Variants in VAV2 observed in about 807,000 individuals in gnomAD.
The protein encoded by VAV2 is vav guanine nucleotide exchange factor 2.
A neutral mutation model predicts 132.5 loss-of-function variants in VAV2; 67 were observed. The observed-to-expected ratio is 0.51, with a 90% CI of 0.42 to 0.62. VAV2 has a LOEUF of 0.62. Among genes scored for constraint, VAV2 ranks in the 20% least tolerant of loss-of-function variants. The pLI is 0.00. For synonymous variants in VAV2, 492 were observed against 443.5 expected (o/e 1.11, Z -1.37); for missense variants, 938 against 1,153.6 (o/e 0.81, Z 2.71).
intron 9 of VAV2, among the ~76,000 whole-genome samples, chr9:133,798,376 C>T (rs1460440686): frequency 6.6e-6 from 1 of 152,206 alleles, no homozygotes; most frequent in African/African-American, 2.4e-5. Context: ...CCAGGTGGCC[C>T]CCGGACCTGG....
At chr9:133,980,625 G>T (rs1842663223) in intron 1 of VAV2, among the ~76,000 whole-genome samples, 1 of 152,170 alleles carries the variant, frequency 6.6e-6, no homozygotes. Flanking sequence ...ATCATCTGCT[G>T]CAGGGAAACA....
intron 4 of VAV2, among the ~76,000 whole-genome samples, chr9:133,816,824 T>C (rs773359451): frequency 2.0e-5 from 3 of 152,276 alleles, no homozygotes; most frequent in Middle Eastern, 3.2e-3. Flanking sequence ...GAGTCTATTT[T>C]GGAATAACTA....
rs764467885 is a variant in VAV2 at position 133,768,562 on chromosome 9, G to A, written c.2469C>T (p.Ala823=). ...TATCTCGGGCGGCAAAGTTATACCTGGCCACAGCTGTGCCGATGACGCGGG... is the reference window on the plus strand; with the variant it reads ...TATCTCGGGCGGCAAAGTTATACCTAGCCACAGCTGTGCCGATGACGCGGG... The part of the protein sequence containing the change: ...FTPRVIGTAV[A]RYNFAARDMR... The change falls in exon 29 of 30, where the codon GCC becomes GCT. Residue 823 remains alanine, a synonymous_variant. Transcript: ENST00000371850. The surrounding 1 kb of genome is among the most constrained non-coding windows in gnomAD (Gnocchi z 5.3). 9.9e-6 allele frequency: 16 copies of A among 1,613,896 alleles called. No homozygotes were observed. In the African/African-American group the frequency reaches 1.9e-4, roughly 19 times the overall value.
chr9:133,847,883 C>A (rs1453381997), intron 3 of VAV2, among the ~76,000 whole-genome samples: 2 of 152,120 alleles, frequency 1.3e-5, no homozygotes, highest in African/African-American at 4.8e-5. Context: ...ACAGATGGGA[C>A]ACAGAGTGGC....
chr9:133,767,319 C>T (rs1273126783), intron 29 of VAV2, among the ~76,000 whole-genome samples: 1 of 152,032 alleles, frequency 6.6e-6, no homozygotes, highest in Non-Finnish European at 1.5e-5. Flanking sequence ...AAGCTGGTGT[C>T]ACAAAAGCAG....
intron 3 of VAV2, among the ~76,000 whole-genome samples, chr9:133,848,702 TG>T (rs1196606041): frequency 6.6e-6 from 1 of 152,194 alleles, no homozygotes; most frequent in Non-Finnish European, 1.5e-5. Context: ...CGGGCATCTT[TG>T]GGGAAAGAAA....
chr9:133,908,060 C>T lies in VAV2; in HGVS notation c.321+31043G>A, dbSNP rs534528661. 1.0e-3 allele frequency among the ~76,000 whole-genome samples: 148 copies of T among 144,640 alleles called. 3 individuals carry two copies. Among genetic ancestry groups the T allele is most frequent in the African/African-American group, 3.7e-3 (143 of 38,716 alleles). The allele number at this position is 144,640 out of a possible 152,430, so 94.9% of individuals were successfully genotyped here. On this transcript the variant is annotated intron_variant, in intron 2 of 29. Transcript: ENST00000371850. ...AAGGCGCCCCTCCCACCCCACGCCC[C>T]CTACCTTCTCTGCCTTCCCCCAGAG... is the stretch of plus-strand genomic sequence containing the variant.
Position 133,826,513 on chromosome 9 carries a change from C to T in VAV2, c.449+7759G>A, listed in dbSNP as rs1014553326. ...CCACCGGAGTGGCGGGGTGCCTTCC[C>T]ACAGCAGCCTGTGAGGTTGCAGGAC... On this transcript the variant is annotated intron_variant, in intron 4 of 29. Transcript: ENST00000371850. The surrounding 1 kb of genome is among the most constrained non-coding windows in gnomAD (Gnocchi z 4.2). Among the ~76,000 whole-genome samples, 1 of 152,172 alleles carries T rather than the reference C, an allele frequency of 6.6e-6. No homozygotes were observed. Among genetic ancestry groups the T allele is most frequent in the Admixed American group, 6.5e-5 (1 of 15,288 alleles).
intron 1 of VAV2, among the ~76,000 whole-genome samples, chr9:133,976,272 C>T (rs1842506922): frequency 6.6e-6 from 1 of 152,168 alleles, no homozygotes; most frequent in South Asian, 2.1e-4. Context: ...CTTTCTGCAG[C>T]AGCTAGGTTA....
At chr9:133,864,881 T>C (rs1299570143) in intron 2 of VAV2, among the ~76,000 whole-genome samples, 1 of 152,212 alleles carries the variant, frequency 6.6e-6, no homozygotes, top group Non-Finnish European at 1.5e-5. Flanking sequence ...GGAAAGGGCA[T>C]GCGGTCTGTG....
At chr9:133,979,733 C>A (rs75529694) in intron 1 of VAV2, among the ~76,000 whole-genome samples, 1 of 152,202 alleles carries the variant, frequency 6.6e-6, no homozygotes, top group Non-Finnish European at 1.5e-5. Context: ...GCCAGGGCCC[C>A]GAGCTCCCCA....
intron 3 of VAV2, among the ~76,000 whole-genome samples, chr9:133,845,878 C>A (rs1295921414): frequency 6.6e-6 from 1 of 152,188 alleles, no homozygotes; most frequent in Non-Finnish European, 1.5e-5. Flanking sequence ...ATTGTGGCAT[C>A]AATTGACCGA....
rs112586996 is a variant in VAV2 at position 133,813,094 on chromosome 9, C to A, written c.450-878G>T. On this transcript the variant is annotated intron_variant, in intron 4 of 29. Transcript: ENST00000371850. ...TGAATCAGCAACTGAGCCAATCCAA[C>A]CACCCCCTGTTCCCACAGGCCCCGT... 7.9e-5 allele frequency among the ~76,000 whole-genome samples: 12 copies of A among 152,370 alleles called. No homozygotes were observed. In the South Asian group the frequency reaches 2.3e-3, roughly 29 times the overall value.
chr9:133,960,032 G>A (rs977353971), intron 1 of VAV2, among the ~76,000 whole-genome samples: 1 of 152,208 alleles, frequency 6.6e-6, no homozygotes, highest in African/African-American at 2.4e-5. Flanking sequence ...CCGGGAACAC[G>A]GGTGCCCCCA....
chr9:133,967,534 T>C (rs779264164), intron 1 of VAV2, among the ~76,000 whole-genome samples: 2 of 152,166 alleles, frequency 1.3e-5, no homozygotes, highest in African/African-American at 2.4e-5. Flanking sequence ...ATATACACAA[T>C]AGAATACTAT....
In VAV2 at chr9:133,884,347, G is replaced by C. The variant is rs1564434255; in HGVS notation, c.322-22915C>G. ...CAGCTGGACCCCAGGCTCCTCCAAA[G>C]TACAACTCAAAGGACGCTCATCAAA... is the stretch of plus-strand genomic sequence containing the variant. On this transcript the variant is annotated intron_variant, in intron 2 of 29. Coordinates refer to ENST00000371850, the MANE Select transcript of VAV2 (RefSeq NM_001134398.2). The surrounding 1 kb of genome is among the most constrained non-coding windows in gnomAD (Gnocchi z 5.3). Among the ~76,000 whole-genome samples, 1 of 152,198 alleles carries C rather than the reference G, an allele frequency of 6.6e-6. No individual in the cohort carries two copies. Among genetic ancestry groups the C allele is most frequent in the Non-Finnish European group, 1.5e-5 (1 of 68,026 alleles).
At chr9:133,874,964 G>A (rs3780741) in intron 2 of VAV2, among the ~76,000 whole-genome samples, 13,463 of 152,224 alleles carry the variant, frequency 0.088, 765 homozygotes, top group South Asian at 0.19. Flanking sequence ...CAGAGAAGAC[G>A]GGTCTAGAAA....
At chr9:133,978,654 C>G (rs1842594651) in intron 1 of VAV2, among the ~76,000 whole-genome samples, 1 of 152,222 alleles carries the variant, frequency 6.6e-6, no homozygotes, top group African/African-American at 2.4e-5. Flanking sequence ...CAGATGAACC[C>G]CACAAAACAG....
At chr9:133,835,392 G>A (rs916651344) in intron 3 of VAV2, among the ~76,000 whole-genome samples, 5 of 151,788 alleles carry the variant, frequency 3.3e-5, no homozygotes, top group African/African-American at 1.2e-4. Flanking sequence ...TCAGGAAGCG[G>A]GGAGAGGCGG....
Sources: gnomAD v4.1 joint callset for allele counts (sites outside exome capture counted in the v4.1 genomes callset) on GRCh38, gnomAD v4.1.1 for gene constraint, Gnocchi (gnomAD v3.1) non-coding constraint, MANE v1.5 for transcripts, NCBI Gene and HGNC (gene_info 2026-07-23, HGNC 2026-07-21) for gene names.